The following MAD1L1 variants were observed in gnomAD, a reference collection of about 807,000 sequenced individuals.
The protein encoded by MAD1L1 is mitotic arrest deficient 1 like 1.
Under a neutral mutation model 96.9 loss-of-function variants are expected in MAD1L1, and 95 were observed. The ratio of observed to expected loss-of-function variants is 0.98; its 90% CI spans 0.83 to 1.16. MAD1L1 has a LOEUF of 1.16. Ranked by LOEUF, MAD1L1 falls within the 50% of genes most tolerant of loss-of-function variation. The pLI is 0.00. For synonymous variants in MAD1L1, 473 were observed against 396.6 expected (o/e 1.19, Z -2.29); for missense variants, 1,007 against 954.4 (o/e 1.06, Z -0.73).
intron 17 of MAD1L1, among the ~76,000 whole-genome samples, chr7:1,927,790 G>C (rs906221003): frequency 1.3e-5 from 2 of 152,138 alleles, no homozygotes; most frequent in African/African-American, 4.8e-5. Flanking sequence ...TTCTGGATCT[G>C]ACCCCTATAA....
chr7:1,821,361 T>G (rs921101528), intron 18 of MAD1L1, among the ~76,000 whole-genome samples: 1 of 152,110 alleles, frequency 6.6e-6, no homozygotes, highest in Non-Finnish European at 1.5e-5. Context: ...CTAGAAAGTT[T>G]TACCGAACAT....
At chr7:2,230,451 C>T (rs1794136956) in intron 2 of MAD1L1, 98 bp downstream of exon 2, 1 of 305,562 alleles carries the variant, frequency 3.3e-6, no homozygotes, top group African/African-American at 2.1e-5. Context: ...GGTGGCACGT[C>T]CCCCAACTGC....
intron 13 of MAD1L1, among the ~76,000 whole-genome samples, chr7:2,012,669 T>G (rs534327285): frequency 1.3e-5 from 2 of 152,220 alleles, no homozygotes; most frequent in South Asian, 4.2e-4. Context: ...GAGGGTGGTC[T>G]CACACCCAGG....
At chr7:1,900,735 A>G (rs1450370702) in intron 17 of MAD1L1, among the ~76,000 whole-genome samples, 1 of 151,986 alleles carries the variant, frequency 6.6e-6, no homozygotes, top group Non-Finnish European at 1.5e-5. Flanking sequence ...TCAGGCGTCC[A>G]AAGGGGAAGA....
chr7:2,125,229 G>T (rs1788175596), intron 11 of MAD1L1, among the ~76,000 whole-genome samples: 1 of 152,142 alleles, frequency 6.6e-6, no homozygotes, highest in African/African-American at 2.4e-5. Context: ...ACTCCAGCAG[G>T]TCCTGGACCC....
At chr7:2,164,076 T>A (rs1207182077) in intron 10 of MAD1L1, among the ~76,000 whole-genome samples, 1 of 152,176 alleles carries the variant, frequency 6.6e-6, no homozygotes, top group Non-Finnish European at 1.5e-5. Flanking sequence ...CAGTCCAGCA[T>A]GGACTCACTG....
intron 18 of MAD1L1, among the ~76,000 whole-genome samples, chr7:1,887,403 G>A (rs1176036185): frequency 1.0e-5 from 1 of 98,224 alleles, no homozygotes; most frequent in Non-Finnish European, 2.0e-5. Context: ...GTATGTGGCT[G>A]CCTGTGCATG....
At chr7:1,839,328 AGGAAAGCG>A (rs1241658446) in intron 18 of MAD1L1, among the ~76,000 whole-genome samples, 57,619 of 147,952 alleles carry the variant, frequency 0.39, 11,421 homozygotes, top group Admixed American at 0.52. Context: ...CCTGCCTGGC[AGGAAAGCG>A]TCCTGCCCCC....
chr7:1,976,319 G>T (rs375683726), intron 15 of MAD1L1, among the ~76,000 whole-genome samples: 1 of 152,204 alleles, frequency 6.6e-6, no homozygotes, highest in Non-Finnish European at 1.5e-5. Flanking sequence ...TGTTCCTTCC[G>T]ATGTTCGGAC....
intron 15 of MAD1L1, 21 bp from the exon 16 acceptor site, chr7:1,957,740 T>G: frequency 6.2e-7 from 1 of 1,612,828 alleles, no homozygotes; most frequent in Non-Finnish European, 8.5e-7. Context: ...AGCAAGACGG[T>G]GACCAGGTGT....
intron 18 of MAD1L1, among the ~76,000 whole-genome samples, chr7:1,839,821 G>C (rs1783147154): frequency 6.6e-6 from 1 of 151,846 alleles, no homozygotes; most frequent in Non-Finnish European, 1.5e-5. Context: ...CACAGCTTGG[G>C]AGGTGGGGCA....
chr7:1,976,296 T>C (rs567151449), intron 15 of MAD1L1, among the ~76,000 whole-genome samples: 1 of 152,196 alleles, frequency 6.6e-6, no homozygotes, highest in Non-Finnish European at 1.5e-5. Context: ...TTAAAGATGG[T>C]GTGTCTGGAG....
chr7:1,846,336 A>T (rs1472816924), intron 18 of MAD1L1: 1 of 152,752 alleles, frequency 6.5e-6, no homozygotes, highest in African/African-American at 2.4e-5. Flanking sequence ...TCCAGCCAGG[A>T]CACGGGACAT....
chr7:1,912,822 A>T (rs1318996691), intron 17 of MAD1L1, among the ~76,000 whole-genome samples: 1 of 152,170 alleles, frequency 6.6e-6, no homozygotes, highest in African/African-American at 2.4e-5. Context: ...CTGTTTCCGG[A>T]AGCTTCCCTC....
intron 10 of MAD1L1, among the ~76,000 whole-genome samples, chr7:2,188,301 G>A (rs1205493422): frequency 6.6e-6 from 1 of 152,164 alleles, no homozygotes; most frequent in Non-Finnish European, 1.5e-5. Flanking sequence ...TCCCTATCAA[G>A]ACCTAACTAA....
At chr7:2,026,279 T>G (rs10251332) in intron 12 of MAD1L1, among the ~76,000 whole-genome samples, 20,572 of 152,144 alleles carry the variant, frequency 0.14, 2,929 homozygotes, top group African/African-American at 0.35. Flanking sequence ...AATTCACAAT[T>G]TATATGTGCC....
In MAD1L1 at chr7:1,859,836, G is replaced by C. The variant is rs370169889; in HGVS notation, c.1998+38364C>G. Among the ~76,000 whole-genome samples the C allele has an allele frequency of 3.1e-4, 46 of 146,154 alleles. 1 individual carries two copies. The East Asian group carries it at 9.0e-3, about 29-fold the overall frequency. On this transcript the variant is annotated intron_variant, in intron 18 of 18. Transcript: ENST00000265854. The stretch of plus-strand genomic sequence containing the variant: ...AGCGGGGTGGCCTCTGTCTCCCTTA[G>C]ACATGATACCCGGCGGGGCGGCCTC...
chr7:1,998,217 G>T (rs1781643964), intron 14 of MAD1L1, among the ~76,000 whole-genome samples: 1 of 152,194 alleles, frequency 6.6e-6, no homozygotes, highest in Middle Eastern at 3.4e-3. Context: ...CCCCACCTGA[G>T]GGCCCAAGAC....
At chr7:1,897,125 G>C (rs1050515086) in intron 18 of MAD1L1, among the ~76,000 whole-genome samples, 2 of 152,228 alleles carry the variant, frequency 1.3e-5, no homozygotes, top group Non-Finnish European at 2.9e-5. Flanking sequence ...AGGCTGTGAA[G>C]ACGGGCGGGT....
Sources: gnomAD v4.1 joint callset for allele counts (sites outside exome capture counted in the v4.1 genomes callset) on GRCh38, gnomAD v4.1.1 for gene constraint, MANE v1.5 for transcripts, NCBI Gene and HGNC (gene_info 2026-07-23, HGNC 2026-07-21) for gene names.